HIBADH: variants seen among roughly 807,000 people sequenced by gnomAD.
The protein encoded by HIBADH is 3-hydroxyisobutyrate dehydrogenase, also known as 3-hydroxyisobutyrate dehydrogenase, mitochondrial.
HIBADH carries 25 observed loss-of-function variants against 36.1 expected under a neutral mutation model. The observed-to-expected ratio is 0.69, with a 90% CI of 0.50 to 0.97. The LOEUF is 0.97. Among genes scored for constraint, HIBADH ranks in the 50% least tolerant of loss-of-function variants. The probability of loss-of-function intolerance (pLI) is 0.00; values close to 1 mark genes in which losing one functional copy is unlikely to be tolerated. For synonymous variants in HIBADH, 160 were observed against 149.5 expected (o/e 1.07, Z -0.51); for missense variants, 421 against 418.0 (o/e 1.01, Z -0.06).
chr7:27,585,624 T>C (rs908474446), intron 4 of HIBADH, among the ~76,000 whole-genome samples: 1 of 152,094 alleles, frequency 6.6e-6, no homozygotes, highest in Non-Finnish European at 1.5e-5. Context: ...AGGAAAAGAA[T>C]GAAAAAGTAA....
intron 4 of HIBADH, among the ~76,000 whole-genome samples, chr7:27,577,650 C>A (rs905744142): frequency 3.9e-5 from 6 of 152,154 alleles, no homozygotes; most frequent in Non-Finnish European, 7.3e-5. Flanking sequence ...AAAGAGAAGA[C>A]TTTGGGTGTG....
intron 6 of HIBADH, among the ~76,000 whole-genome samples, chr7:27,533,313 G>A (rs1784028387): frequency 6.6e-6 from 1 of 152,100 alleles, no homozygotes; most frequent in Non-Finnish European, 1.5e-5. Context: ...ATTGATTGAT[G>A]GAAACCCTTT....
chr7:27,654,315 T>C (rs574646498), intron 1 of HIBADH, among the ~76,000 whole-genome samples: 41 of 152,286 alleles, frequency 2.7e-4, no homozygotes, highest in Admixed American at 8.5e-4. Context: ...GCAGAAAATA[T>C]GTGTGAAGAA....
At chr7:27,539,122 G>A (rs1784110066) in intron 5 of HIBADH, among the ~76,000 whole-genome samples, 1 of 152,020 alleles carries the variant, frequency 6.6e-6, no homozygotes, top group South Asian at 2.1e-4. Flanking sequence ...TAGGAAATAG[G>A]GATCTATTCA....
chr7:27,599,552 G>A (rs535073749), intron 4 of HIBADH, among the ~76,000 whole-genome samples: 6 of 151,278 alleles, frequency 4.0e-5, no homozygotes, highest in Admixed American at 3.9e-4. Flanking sequence ...CGTGGTGGCA[G>A]GCACCTGTAG....
At chr7:27,577,428 G>T (rs1784728318) in intron 4 of HIBADH, among the ~76,000 whole-genome samples, 1 of 151,960 alleles carries the variant, frequency 6.6e-6, no homozygotes, top group South Asian at 2.1e-4. Context: ...CTCCCAAAGT[G>T]CTGGGATTAC....
Position 27,543,101 on chromosome 7 carries a change from C to T in HIBADH, c.485-1G>A. ...TTCCCAGATCGTGCAGCTCCTACAC[C>T]TGAATCATTTGGGGGTAAAGGGATA... On this transcript the variant is annotated splice_acceptor_variant, in intron 4 of 7. Coordinates refer to ENST00000265395, the MANE Select transcript of HIBADH (RefSeq NM_152740.4). LOFTEE classifies it high-confidence loss of function. 3 of 1,613,394 alleles carry T rather than the reference C, an allele frequency of 1.9e-6. No individual in the cohort carries two copies. Among genetic ancestry groups the T allele is most frequent in the South Asian group, 2.2e-5 (2 of 91,014 alleles).
At chr7:27,538,565 C>T (rs2128183827) in intron 5 of HIBADH, 148 bp from the exon 6 acceptor site, 2 of 677,612 alleles carry the variant, frequency 3.0e-6, no homozygotes, top group Non-Finnish European at 5.2e-6. Context: ...GAACCTGATG[C>T]AGCATGGCTC....
At chr7:27,631,296 T>C (rs1785741920) in intron 3 of HIBADH, among the ~76,000 whole-genome samples, 1 of 152,190 alleles carries the variant, frequency 6.6e-6, no homozygotes, top group Admixed American at 6.5e-5. Context: ...ATGAGTGTCT[T>C]TTAACCTTCC....
intron 6 of HIBADH, among the ~76,000 whole-genome samples, chr7:27,537,432 T>C (rs1244664201): frequency 6.6e-6 from 1 of 152,142 alleles, no homozygotes; most frequent in East Asian, 1.9e-4. Flanking sequence ...GTTGGCTCTT[T>C]TTATTACTTT....
intron 1 of HIBADH, 134 bp downstream of exon 1, chr7:27,662,564 T>C (rs1332114298): frequency 8.4e-6 from 4 of 475,464 alleles, no homozygotes; most frequent in East Asian, 7.1e-5. Flanking sequence ...AGGCCTTTAG[T>C]ACCAGCCAAA....
At position 27,588,936 on chromosome 7, in the gene HIBADH, T is replaced by C. The variant is rs1031203846; in HGVS notation, c.484+40435A>G. On this transcript the variant is annotated intron_variant, in intron 4 of 7. Coordinates refer to ENST00000265395, the MANE Select transcript of HIBADH (RefSeq NM_152740.4). ...CACTTTTTAAAATCAGTATCTCTTA[T>C]GTTTTGAGAGACCCGACCACAGTTT... Among the ~76,000 whole-genome samples the C allele has an allele frequency of 4.6e-5, 7 of 152,320 alleles. No individual in the cohort carries two copies. The East Asian group carries it at 5.8e-4, about 13-fold the overall frequency.
intron 4 of HIBADH, among the ~76,000 whole-genome samples, chr7:27,560,834 TG>T (rs1205861469): frequency 2.0e-5 from 3 of 152,226 alleles, no homozygotes; most frequent in Non-Finnish European, 2.9e-5. Flanking sequence ...GTAAAATTGC[TG>T]GATCATATGG....
intron 2 of HIBADH, among the ~76,000 whole-genome samples, chr7:27,640,539 G>A (rs545988168): frequency 6.6e-6 from 1 of 152,198 alleles, no homozygotes; most frequent in Non-Finnish European, 1.5e-5. Flanking sequence ...CAAAAGAAAT[G>A]AACAAACAAA....
At chr7:27,597,284 A>AT (rs1785046988) in intron 4 of HIBADH, among the ~76,000 whole-genome samples, 1 of 152,130 alleles carries the variant, frequency 6.6e-6, no homozygotes, top group African/African-American at 2.4e-5. Flanking sequence ...CATGTATACC[A>AT]TTGTATTCTC....
intron 4 of HIBADH, among the ~76,000 whole-genome samples, chr7:27,560,854 T>C (rs1051712972): frequency 6.6e-6 from 1 of 152,114 alleles, no homozygotes; most frequent in Admixed American, 6.6e-5. Context: ...GGTAATTACA[T>C]GTTTAATTTT....
chr7:27,573,519 G>GTAT (rs1200035426), intron 4 of HIBADH, among the ~76,000 whole-genome samples: 3 of 152,112 alleles, frequency 2.0e-5, no homozygotes, highest in Non-Finnish European at 4.4e-5. Flanking sequence ...CTAACAAAGT[G>GTAT]GCTGATATAT....
chr7:27,579,069 C>G (rs1784754725), intron 4 of HIBADH, among the ~76,000 whole-genome samples: 1 of 152,074 alleles, frequency 6.6e-6, no homozygotes, highest in African/African-American at 2.4e-5. Flanking sequence ...AGAAACAAAA[C>G]AACTAAATGT....
rs148781538 is a variant in HIBADH, at chr7:27,658,520, A to G, written c.91+4178T>C. 5.6e-3 allele frequency among the ~76,000 whole-genome samples: 857 copies of G among 152,320 alleles called. 5 individuals carry two copies. Among genetic ancestry groups the G allele is most frequent in the African/African-American group, 0.02 (815 of 41,570 alleles). ...TCTTGATAACCTTAAGTGCTATCAA[A>G]AAGCAGGTTTCACTAAGTGTCAAAA... On this transcript the variant is annotated intron_variant, in intron 1 of 7. Transcript: ENST00000265395.
Sources: allele counts gnomAD v4.1 joint callset (sites outside exome capture counted in the v4.1 genomes callset), GRCh38; gene constraint gnomAD v4.1.1; transcripts MANE v1.5; gene names NCBI Gene and HGNC (gene_info 2026-07-23, HGNC 2026-07-21).